The following OPRM1 variants were observed in gnomAD, a reference collection of about 807,000 sequenced individuals.
OPRM1 encodes the protein mu-type opioid receptor.
In OPRM1, 27 loss-of-function variants were observed where a neutral mutation model predicts 31.8. The observed-to-expected ratio is 0.85, with a 90% confidence interval of 0.63 to 1.17. OPRM1 has a LOEUF of 1.17. Among genes scored for constraint, OPRM1 ranks in the 50% most tolerant of loss-of-function variants. The pLI is 0.00. For missense variants in OPRM1, 536 were observed against 511.1 expected (o/e 1.05, Z -0.47); for synonymous variants, 196 against 189.9 (o/e 1.03, Z -0.26).
At chr6:154,079,864 C>G (rs549615884) in intron 1 of OPRM1, among the ~76,000 whole-genome samples, 2 of 152,242 alleles carry the variant, frequency 1.3e-5, no homozygotes, top group East Asian at 3.9e-4. Context: ...ACGTGAGCAA[C>G]TGCACCTGGT....
At chr6:154,015,628 G>A (rs372618761) in intron 1 of OPRM1, among the ~76,000 whole-genome samples, 8 of 151,776 alleles carry the variant, frequency 5.3e-5, no homozygotes, top group African/African-American at 1.7e-4. Flanking sequence ...AAGTCCAGAA[G>A]TAATACAGGA....
chr6:154,091,171 T>TGGC lies in OPRM1; in HGVS notation c.864_866dup (p.Ala289dup), dbSNP rs751843102. 2 of 1,614,052 alleles carry TGGC rather than the reference T, an allele frequency of 1.2e-6. No individual in the cohort carries two copies. The highest frequency in any genetic ancestry group is 1.3e-5 in the African/African-American group (1 of 74,926). Reference sequence around the variant, plus strand: ...ATCACCAGGATGGTGCTGGTGGTGGTGGCTGTGTTCATCGTCTGCTGGACT... The same window carrying TGGC: ...ATCACCAGGATGGTGCTGGTGGTGGTGGCGGCTGTGTTCATCGTCTGCTGGACT... On this transcript the variant is annotated inframe_insertion, in exon 3 of 4. Transcript: ENST00000330432.
chr6:154,145,433 T>C (rs572200929), intron 3 of OPRM1, among the ~76,000 whole-genome samples: 4 of 152,188 alleles, frequency 2.6e-5, no homozygotes, highest in Admixed American at 1.3e-4. Context: ...ATGAAATAGG[T>C]GTTAATCTAA....
intron 1 of OPRM1, among the ~76,000 whole-genome samples, chr6:154,064,256 T>C (rs1784934219): frequency 6.6e-6 from 1 of 152,194 alleles, no homozygotes; most frequent in Non-Finnish European, 1.5e-5. Context: ...CATATGCTTA[T>C]TATCCATTCA....
At chr6:154,038,423 C>T (rs1315724770), upstream of OPRM1, among the ~76,000 whole-genome samples, 5 of 152,108 alleles carry the variant, frequency 3.3e-5, no homozygotes, top group East Asian at 5.8e-4. Context: ...AATTCAAAAA[C>T]GTATCCATGT....
At chr6:154,132,686 A>T (rs1458116874), downstream of OPRM1, among the ~76,000 whole-genome samples, 1 of 152,184 alleles carries the variant, frequency 6.6e-6, no homozygotes, top group East Asian at 1.9e-4. Flanking sequence ...TACTTTTTTT[A>T]AAAATGTGTT....
chr6:154,133,547 G>T (rs1797984706), downstream of OPRM1, among the ~76,000 whole-genome samples: 2 of 152,210 alleles, frequency 1.3e-5, no homozygotes, highest in Non-Finnish European at 1.5e-5. Context: ...TCTAGAAATT[G>T]AATTGTTTGG....
chr6:154,177,291 A>T (rs1195587315), intron 3 of OPRM1, among the ~76,000 whole-genome samples: 3 of 152,244 alleles, frequency 2.0e-5, no homozygotes, highest in Admixed American at 1.3e-4. Context: ...GACAAACGGG[A>T]TCTAATTAAA....
chr6:154,109,672 C>CA (rs888053923), intron 3 of OPRM1, among the ~76,000 whole-genome samples: 81 of 152,118 alleles, frequency 5.3e-4, no homozygotes, highest in African/African-American at 1.8e-3. Context: ...GCTCTATAGA[C>CA]AAGTGTTAGG....
downstream of OPRM1, among the ~76,000 whole-genome samples, chr6:154,136,171 CA>C (rs910335887): frequency 3.9e-5 from 6 of 152,120 alleles, no homozygotes; most frequent in South Asian, 2.1e-4. Flanking sequence ...ATCATAAAGG[CA>C]AAAGAAGCTA....
intron 3 of OPRM1, among the ~76,000 whole-genome samples, chr6:154,209,637 G>A (rs1167554747): frequency 1.6e-5 from 2 of 121,674 alleles, no homozygotes; most frequent in Non-Finnish European, 3.5e-5. Context: ...GACTGAGACT[G>A]TGTCTCAAAA....
intron 1 of OPRM1, among the ~76,000 whole-genome samples, chr6:154,085,349 G>T (rs1478032792): frequency 6.6e-6 from 1 of 152,108 alleles, no homozygotes; most frequent in African/African-American, 2.4e-5. Flanking sequence ...TCACTCTAAT[G>T]GGTCAAACAT....
intron 3 of OPRM1, chr6:154,110,259 C>T: frequency 1.6e-6 from 1 of 641,764 alleles, no homozygotes; most frequent in South Asian, 2.1e-5. Context: ...ATCTATGTAC[C>T]TTTGGGGTAT....
chr6:154,010,746 C>T, exon 1 of OPRM1: 2 of 1,423,056 alleles, frequency 1.4e-6, no homozygotes, highest in East Asian at 2.5e-5. Flanking sequence ...CATGAATTGC[C>T]CCTTTCTCCT....
Position 154,070,861 on chromosome 6 carries a change from C to T in OPRM1, c.291-18965C>T, listed in dbSNP as rs9478502. Reference sequence around the variant, plus strand: ...GTTCACAGCATTTTAATGGAGCCAACTTTGCTCTTAAGATGAGTAAGCAGT... The same window carrying T: ...GTTCACAGCATTTTAATGGAGCCAATTTTGCTCTTAAGATGAGTAAGCAGT... On this transcript the variant is annotated intron_variant, in intron 1 of 3. Coordinates refer to ENST00000330432, the MANE Select transcript of OPRM1 (RefSeq NM_000914.5). 7.3e-3 allele frequency among the ~76,000 whole-genome samples: 1,108 copies of T among 152,298 alleles called. 16 individuals carry two copies. Among genetic ancestry groups the T allele is most frequent in the African/African-American group, 0.025 (1,041 of 41,542 alleles).
At chr6:154,189,735 G>A (rs914170277) in intron 3 of OPRM1, among the ~76,000 whole-genome samples, 4 of 152,054 alleles carry the variant, frequency 2.6e-5, no homozygotes, top group Non-Finnish European at 4.4e-5. Flanking sequence ...TTGGGAGGCC[G>A]AGGTGGGTGG....
intron 3 of OPRM1, chr6:154,154,512 A>G (rs1798633872): frequency 6.6e-6 from 1 of 152,200 alleles, no homozygotes; most frequent in Non-Finnish European, 1.5e-5. Flanking sequence ...ATATAATTAG[A>G]TCTTTTATTT....
At chr6:154,199,171 G>A (rs778606124) in intron 3 of OPRM1, among the ~76,000 whole-genome samples, 1 of 152,200 alleles carries the variant, frequency 6.6e-6, no homozygotes, top group African/African-American at 2.4e-5. Context: ...CAAAGTGCAT[G>A]CAAATTGTCT....
At chr6:154,037,371 AAG>A, upstream of OPRM1, among the ~76,000 whole-genome samples, 1 of 151,848 alleles carries the variant, frequency 6.6e-6, no homozygotes, top group Non-Finnish European at 1.5e-5. Context: ...AAAAAAAAAA[AAG>A]GGACTTTCAT....
Sources: gnomAD v4.1 joint callset for allele counts (sites outside exome capture counted in the v4.1 genomes callset) on GRCh38, gnomAD v4.1.1 for gene constraint, MANE v1.5 for transcripts, NCBI Gene and HGNC (gene_info 2026-07-23, HGNC 2026-07-21) for gene names.